Variants in HIVEP1 observed in about 807,000 individuals in gnomAD.
The protein encoded by HIVEP1 is HIVEP zinc finger 1.
In HIVEP1, 36 loss-of-function variants were observed where a neutral mutation model predicts 180.0. The ratio of observed to expected loss-of-function variants is 0.20; its 90% CI spans 0.15 to 0.26. The LOEUF is 0.26. HIVEP1 is among the 10% of genes least tolerant of loss of function. The pLI, the probability that HIVEP1 is intolerant of heterozygous loss-of-function variation, is 1.00. For missense variants in HIVEP1, 3,143 were observed against 3,268.7 expected, an observed-to-expected ratio of 0.96 and a Z score of 0.94; for synonymous variants, 1,239 against 1,239.0, an observed-to-expected ratio of 1.00 and a Z score of 0.00.
chr6:12,156,018 T>C (rs944300124), intron 7 of HIVEP1, among the ~76,000 whole-genome samples: 1 of 152,358 alleles, frequency 6.6e-6, no homozygotes, highest in East Asian at 1.9e-4. Context: ...TGTTGAGCTT[T>C]TCTTCATGTT....
chr6:12,151,047 G>A (rs1400576539), intron 7 of HIVEP1, among the ~76,000 whole-genome samples: 3 of 152,280 alleles, frequency 2.0e-5, no homozygotes, highest in South Asian at 4.1e-4. Context: ...AGCAGTGGGC[G>A]AGCAGGTTGC....
intron 3 of HIVEP1, among the ~76,000 whole-genome samples, chr6:12,102,240 T>G (rs1399624218): frequency 6.6e-6 from 1 of 152,162 alleles, no homozygotes; most frequent in Non-Finnish European, 1.5e-5. Context: ...CTACCAACAC[T>G]GTAAGCCAAG....
chr6:12,112,257 A>T (rs968716900), intron 3 of HIVEP1, among the ~76,000 whole-genome samples: 1 of 151,860 alleles, frequency 6.6e-6, no homozygotes, highest in Non-Finnish European at 1.5e-5. Flanking sequence ...AGTCTGCTTT[A>T]ATTTTTATCT....
chr6:12,105,025 A>G (rs1373483797), intron 3 of HIVEP1, among the ~76,000 whole-genome samples: 1 of 152,216 alleles, frequency 6.6e-6, no homozygotes, highest in Admixed American at 6.5e-5. Flanking sequence ...TATGATGGAC[A>G]TTTTATTTTA....
At chr6:12,073,430 G>C (rs868120227) in intron 2 of HIVEP1, among the ~76,000 whole-genome samples, 1 of 152,036 alleles carries the variant, frequency 6.6e-6, no homozygotes, top group African/African-American at 2.4e-5. Flanking sequence ...CTCTTTTCTG[G>C]GATTTCCGCT....
At chr6:12,211,612 G>T in the HIVEP1 span, among the ~76,000 whole-genome samples, 41 of 151,202 alleles carry the variant, frequency 2.7e-4, no homozygotes, top group African/African-American at 9.7e-4. Flanking sequence ...AGTATTGCCC[G>T]ATTTTGAAAA....
At chr6:12,182,728 G>A in the HIVEP1 span, among the ~76,000 whole-genome samples, 1 of 152,160 alleles carries the variant, frequency 6.6e-6, no homozygotes, top group African/African-American at 2.4e-5. Context: ...AATAGTGCGT[G>A]CCATGCCTGC....
the HIVEP1 span, among the ~76,000 whole-genome samples, chr6:12,189,719 TTCTA>T: frequency 6.6e-6 from 1 of 152,178 alleles, no homozygotes; most frequent in African/African-American, 2.4e-5. Context: ...ATTTGGCACT[TTCTA>T]TCAAACATGA....
intron 3 of HIVEP1, among the ~76,000 whole-genome samples, chr6:12,097,315 ATTTT>A (rs199873320): frequency 7.2e-6 from 1 of 138,862 alleles, no homozygotes. Context: ...TGCACCAGCC[ATTTT>A]TTTTTTTTTT....
At chr6:12,186,999 G>A in the HIVEP1 span, among the ~76,000 whole-genome samples, 2 of 152,008 alleles carry the variant, frequency 1.3e-5, no homozygotes, top group African/African-American at 4.8e-5. Flanking sequence ...CACTGGATGG[G>A]CTGAATAGCA....
chr6:12,165,884 C>G (rs1760688512), downstream of HIVEP1, among the ~76,000 whole-genome samples: 1 of 152,184 alleles, frequency 6.6e-6, no homozygotes, highest in Admixed American at 6.5e-5. Context: ...TTGCAAAGAC[C>G]TGGCATTTCA....
At chr6:12,097,897 G>A (rs545051984) in intron 3 of HIVEP1, among the ~76,000 whole-genome samples, 1 of 152,192 alleles carries the variant, frequency 6.6e-6, no homozygotes, top group East Asian at 1.9e-4. Context: ...AAATATGAAA[G>A]CAAAAATTCT....
rs567826298 is a variant in HIVEP1 at position 12,116,080 on chromosome 6, G to A, written c.95-3810G>A. ...ATACCAATTTTATTTCTGCTTTGAA[G>A]CACTATGGTCTATGCATCCTCTTGA... On this transcript the variant is annotated intron_variant, in intron 3 of 8. Coordinates refer to ENST00000379388, the MANE Select transcript of HIVEP1 (RefSeq NM_002114.4). Among the ~76,000 whole-genome samples the A allele has an allele frequency of 1.1e-4, 17 of 152,090 alleles. No individual in the cohort carries two copies. In the East Asian group the frequency reaches 2.7e-3, roughly 24 times the overall value.
At chr6:12,188,388 C>T in the HIVEP1 span, among the ~76,000 whole-genome samples, 5 of 152,184 alleles carry the variant, frequency 3.3e-5, no homozygotes, top group African/African-American at 1.2e-4. Flanking sequence ...ACTTTCTTAA[C>T]AAACACACAC....
At chr6:12,021,288 A>G (rs1468947545) in intron 2 of HIVEP1, among the ~76,000 whole-genome samples, 2 of 152,142 alleles carry the variant, frequency 1.3e-5, no homozygotes, top group Non-Finnish European at 2.9e-5. Flanking sequence ...CTTGTTCTCC[A>G]CGGCATCTTG....
At chr6:12,183,706 T>C in the HIVEP1 span, among the ~76,000 whole-genome samples, 3 of 152,204 alleles carry the variant, frequency 2.0e-5, no homozygotes, top group Non-Finnish European at 4.4e-5. Context: ...TCTAGCCATC[T>C]ACACTCAAAA....
chr6:12,058,842 A>G (rs928417512), intron 2 of HIVEP1, among the ~76,000 whole-genome samples: 7 of 152,238 alleles, frequency 4.6e-5, no homozygotes, highest in Non-Finnish European at 1.0e-4. Flanking sequence ...GTATGCATGT[A>G]AATATCTATG....
chr6:12,023,710 T>C (rs997541922), intron 2 of HIVEP1, among the ~76,000 whole-genome samples: 5 of 152,188 alleles, frequency 3.3e-5, no homozygotes, highest in Non-Finnish European at 2.9e-5. Flanking sequence ...ATTTGATGCT[T>C]TCTGAATGCT....
At chr6:12,200,911 G>A in the HIVEP1 span, among the ~76,000 whole-genome samples, 1 of 151,924 alleles carries the variant, frequency 6.6e-6, no homozygotes, top group Non-Finnish European at 1.5e-5. Flanking sequence ...TTCATTTTTG[G>A]CCTTATGTAA....
Sources: gnomAD v4.1 joint callset for allele counts (sites outside exome capture counted in the v4.1 genomes callset) on GRCh38, gnomAD v4.1.1 for gene constraint, MANE v1.5 for transcripts, NCBI Gene and HGNC (gene_info 2026-07-23, HGNC 2026-07-21) for gene names.